NEBL: variants seen among roughly 807,000 people sequenced by gnomAD.
NEBL encodes the protein nebulette, also known as LIM and SH3 protein 2.
A neutral mutation model predicts 140.2 loss-of-function variants in NEBL; 122 were observed. The observed-to-expected ratio is 0.87, with a 90% CI of 0.75 to 1.01. The LOEUF (loss-of-function observed/expected upper bound fraction) is 1.01, where lower values mean the gene tolerates loss of function less well. Ranked by LOEUF, NEBL falls within the 50% of genes least tolerant of loss-of-function variation. The pLI is 0.00. For synonymous variants in NEBL, 436 were observed against 398.9 expected, an observed-to-expected ratio of 1.09 and a Z score of -1.11; for missense variants, 1,365 against 1,231.3, an observed-to-expected ratio of 1.11 and a Z score of -1.62.
At chr10:21,062,023 G>A (rs1000012316) in intron 2 of NEBL, among the ~76,000 whole-genome samples, 1 of 152,214 alleles carries the variant, frequency 6.6e-6, no homozygotes, top group Non-Finnish European at 1.5e-5. Context: ...CAAACCCGAT[G>A]AAAAGAGCAA....
At chr10:20,828,716 G>A (rs1389715673) in intron 16 of NEBL, 82 bp from the exon 17 acceptor site, 1 of 888,072 alleles carries the variant, frequency 1.1e-6, no homozygotes, top group Non-Finnish European at 1.8e-6. Context: ...CAGGAAAGGA[G>A]GAAGGGAGAG....
intron 1 of NEBL, among the ~76,000 whole-genome samples, chr10:21,253,429 G>A (rs1309686587): frequency 6.6e-6 from 1 of 152,104 alleles, no homozygotes; most frequent in East Asian, 1.9e-4. Flanking sequence ...GCGAGCCATG[G>A]CACACAGAGG....
At chr10:20,867,024 A>G (rs886266978) in intron 7 of NEBL, among the ~76,000 whole-genome samples, 5 of 152,118 alleles carry the variant, frequency 3.3e-5, no homozygotes, top group African/African-American at 1.2e-4. Flanking sequence ...CTTATATTTA[A>G]AATATTAAAA....
intron 3 of NEBL, among the ~76,000 whole-genome samples, chr10:21,012,042 T>C (rs916780251): frequency 1.3e-5 from 2 of 152,224 alleles, no homozygotes; most frequent in African/African-American, 4.8e-5. Context: ...ATACATTTTG[T>C]GGGGTGGTTT....
chr10:20,924,413 T>TAAAAAA lies in NEBL; in HGVS notation c.357+37253_357+37258dup, dbSNP rs71390800. On this transcript the variant is annotated intron_variant, in intron 4 of 6. Coordinates refer to the NEBL transcript ENST00000417816. ...CTATAGCTCTCGATCAGGCATGAAG[T>TAAAAAA]AAAAAAAAAAAAAAAAAAAAAAAAA... Among the ~76,000 whole-genome samples, 97 of 58,962 alleles carry TAAAAAA rather than the reference T, an allele frequency of 1.6e-3. 5 individuals carry two copies. Among genetic ancestry groups the TAAAAAA allele is most frequent in the East Asian group, 6.5e-3 (10 of 1,540 alleles). 38.7% of individuals were successfully genotyped at this position (58,962 alleles called of 152,430 possible). A position where few individuals can be genotyped will look rare whatever the true frequency, so the allele number is the denominator to read the frequency against.
rs771403976 is a variant in NEBL, at chr10:20,785,716, A to G, written c.*31T>C. ...AAAAAGATTAGGTTTGGGATACATT[A>G]GAATAAAGCTCAAAGGGCAGGGAGA... On this transcript the variant is annotated 3_prime_UTR_variant, in exon 28 of 28. Transcript: ENST00000377122. The G allele has an allele frequency of 2.2e-5, 35 of 1,606,968 alleles. No homozygotes were observed. The South Asian group carries it at 2.7e-4, about 12-fold the overall frequency.
chr10:20,839,951 G>A (rs1841257022), intron 13 of NEBL, among the ~76,000 whole-genome samples: 1 of 152,164 alleles, frequency 6.6e-6, no homozygotes, highest in Non-Finnish European at 1.5e-5. Context: ...AAGAGATGGA[G>A]GAAGAGAGAC....
chr10:20,912,716 C>T (rs1848378751), intron 4 of NEBL, among the ~76,000 whole-genome samples: 3 of 152,092 alleles, frequency 2.0e-5, no homozygotes, highest in African/African-American at 7.2e-5. Context: ...ATGTCACTCC[C>T]CTGGTTAAAA....
chr10:20,854,350 T>A (rs1842833456), intron 9 of NEBL, among the ~76,000 whole-genome samples: 1 of 152,106 alleles, frequency 6.6e-6, no homozygotes, highest in Non-Finnish European at 1.5e-5. Context: ...GGAAGAAAGC[T>A]CAGTGCTAGG....
At chr10:20,919,579 C>T (rs1366828119) in intron 4 of NEBL, among the ~76,000 whole-genome samples, 3 of 152,020 alleles carry the variant, frequency 2.0e-5, no homozygotes, top group Non-Finnish European at 2.9e-5. Context: ...CAAACGTCAT[C>T]CAAGAAAAGG....
chr10:20,859,658 A>T, intron 8 of NEBL, 55 bp downstream of exon 8: 2 of 1,249,130 alleles, frequency 1.6e-6, no homozygotes, highest in Admixed American at 1.8e-5. Context: ...GTCGATTCTA[A>T]AAAAAACAAG....
intron 2 of NEBL, among the ~76,000 whole-genome samples, chr10:21,116,032 TATC>T (rs1318284550): frequency 3.3e-5 from 5 of 152,150 alleles, no homozygotes; most frequent in Non-Finnish European, 5.9e-5. Flanking sequence ...GTATCTTCTG[TATC>T]ATATTTTTTC....
intron 14 of NEBL, among the ~76,000 whole-genome samples, chr10:20,834,182 A>G (rs896671836): frequency 2.0e-5 from 3 of 152,178 alleles, no homozygotes; most frequent in Admixed American, 6.5e-5. Flanking sequence ...ATAAAGTGAG[A>G]AAACAATCAA....
At chr10:20,924,740 G>C (rs1233741479) in intron 4 of NEBL, among the ~76,000 whole-genome samples, 1 of 152,122 alleles carries the variant, frequency 6.6e-6, no homozygotes, top group African/African-American at 2.4e-5. Context: ...GTTTGGTTAA[G>C]TGTGCTCTCT....
intron 3 of NEBL, among the ~76,000 whole-genome samples, chr10:21,184,605 G>A (rs1232931562): frequency 6.6e-6 from 1 of 152,206 alleles, no homozygotes; most frequent in African/African-American, 2.4e-5. Flanking sequence ...ATCCCCTGCT[G>A]CTGCTGCTGC....
At chr10:21,238,949 G>A (rs533205260) in intron 3 of NEBL, among the ~76,000 whole-genome samples, 108 of 152,212 alleles carry the variant, frequency 7.1e-4, no homozygotes, top group African/African-American at 2.5e-3. Context: ...GGGCTACAGC[G>A]TGTTTGACTC....
intron 2 of NEBL, among the ~76,000 whole-genome samples, chr10:21,037,517 T>C (rs911159741): frequency 7.2e-5 from 11 of 151,952 alleles, no homozygotes; most frequent in Non-Finnish European, 1.0e-4. Flanking sequence ...TTGAAATTAG[T>C]GGTTCATGTG....
chr10:20,895,578 A>ATTG (rs1006171659), intron 2 of NEBL, among the ~76,000 whole-genome samples: 2 of 152,266 alleles, frequency 1.3e-5, no homozygotes, highest in South Asian at 2.1e-4. Context: ...CAATAGTGTT[A>ATTG]TTGTTGTTGT....
intron 4 of NEBL, among the ~76,000 whole-genome samples, chr10:20,936,704 T>G (rs896073035): frequency 3.3e-5 from 5 of 152,208 alleles, no homozygotes; most frequent in African/African-American, 1.2e-4. Flanking sequence ...GTGTTTTCTG[T>G]GTTTCAATTT....
Sources: gnomAD v4.1 joint callset for allele counts (sites outside exome capture counted in the v4.1 genomes callset) on GRCh38, gnomAD v4.1.1 for gene constraint, MANE v1.5 for transcripts, NCBI Gene and HGNC (gene_info 2026-07-23, HGNC 2026-07-21) for gene names.